ADCY8: variants seen among roughly 807,000 people sequenced by gnomAD.
ADCY8 encodes the protein adenylate cyclase 8, also known as adenylate cyclase type 8.
In ADCY8, 51 loss-of-function variants were observed where a neutral mutation model predicts 119.7. The ratio of observed to expected loss-of-function variants is 0.43; its 90% CI spans 0.34 to 0.54. The LOEUF (loss-of-function observed/expected upper bound fraction) is 0.54, where lower values mean the gene tolerates loss of function less well. Among genes scored for constraint, ADCY8 ranks in the 20% least tolerant of loss-of-function variants. The pLI, the probability that ADCY8 is intolerant of heterozygous loss-of-function variation, is 0.03. For missense variants in ADCY8, 1,383 were observed against 1,598.8 expected, an observed-to-expected ratio of 0.87 and a Z score of 2.30; for synonymous variants, 665 against 651.0, an observed-to-expected ratio of 1.02 and a Z score of -0.33.
chr8:131,014,709 T>C (rs1396683352), intron 1 of ADCY8, among the ~76,000 whole-genome samples: 1 of 152,190 alleles, frequency 6.6e-6, no homozygotes, highest in Admixed American at 6.5e-5. Context: ...GGGAATCTAC[T>C]TACCCCCTCT....
chr8:130,787,785 G>T (rs564347552), intron 15 of ADCY8, among the ~76,000 whole-genome samples: 1 of 151,434 alleles, frequency 6.6e-6, no homozygotes, highest in Admixed American at 6.5e-5. Flanking sequence ...GTGCCTGTGT[G>T]TGGGTGCACA....
intron 12 of ADCY8, among the ~76,000 whole-genome samples, chr8:130,824,403 G>C (rs550142657): frequency 1.3e-5 from 2 of 152,008 alleles, no homozygotes; most frequent in Admixed American, 1.3e-4. Flanking sequence ...ATTAGCTAGC[G>C]AACAGTGAAG....
intron 15 of ADCY8, among the ~76,000 whole-genome samples, chr8:130,797,869 G>A (rs1815635781): frequency 6.6e-6 from 1 of 152,222 alleles, no homozygotes; most frequent in South Asian, 2.1e-4. Flanking sequence ...TTGAGCTTAT[G>A]ACTTCAAAAT....
In ADCY8 at chr8:131,005,222, T is replaced by C. The variant is rs146547306; in HGVS notation, c.961-14680A>G. 9.3e-4 allele frequency among the ~76,000 whole-genome samples: 142 copies of C among 152,320 alleles called. No homozygotes were observed. In the Middle Eastern group the frequency reaches 0.014, roughly 15 times the overall value. ...GCAGTCAGTGCATGAGGATTCTTCC[T>C]GGGTGGCTATAAAGGCTAAACGAGG... On this transcript the variant is annotated intron_variant, in intron 1 of 17. Coordinates refer to ENST00000286355, the MANE Select transcript of ADCY8 (RefSeq NM_001115.3).
chr8:131,039,600 C>A lies in ADCY8; in HGVS notation c.734G>T (p.Ser245Ile). The change falls in exon 1 of 18, where the codon AGC becomes ATC. Residue 245 changes from serine (S) to isoleucine (I), a missense_variant. Transcript: ENST00000286355. ...DTTSHTYLQYSGVVTWVAMTT... is the reference protein window; with the variant it reads ...DTTSHTYLQYIGVVTWVAMTT... ...CATGGCCACCCAGGTGACCACGCCG[C>A]TGTACTGCAGGTACGTGTGGGAGGT... 6.2e-7 allele frequency: 1 copy of A among 1,614,072 alleles called. No individual in the cohort carries two copies. Among genetic ancestry groups the A allele is most frequent in the Non-Finnish European group, 8.5e-7 (1 of 1,180,020 alleles).
At chr8:130,808,010 A>C (rs1368415780) in intron 14 of ADCY8, among the ~76,000 whole-genome samples, 40 of 144,184 alleles carry the variant, frequency 2.8e-4, no homozygotes, top group African/African-American at 1.0e-3. Flanking sequence ...AAAAAAAAAA[A>C]AAAAAAAAAA....
intron 2 of ADCY8, among the ~76,000 whole-genome samples, chr8:130,980,417 A>G (rs1333892499): frequency 2.0e-5 from 3 of 152,232 alleles, no homozygotes; most frequent in Non-Finnish European, 4.4e-5. Context: ...TGGAGAATGA[A>G]TTGCAGGGAA....
intron 8 of ADCY8, among the ~76,000 whole-genome samples, chr8:130,880,552 G>C (rs1453110615): frequency 6.6e-6 from 1 of 152,178 alleles, no homozygotes; most frequent in Non-Finnish European, 1.5e-5. Context: ...CCTGACTAAA[G>C]AAGGGCAAAT....
rs772046627 is a variant in ADCY8, at chr8:131,039,898, C to A, written c.436G>T (p.Gly146Cys). ...AAAATGACCCCTCGGTAGCTATAGC[C>A]CCCATTAAGAAAGAAATCCGAGTTG... ...PSNSDFFLNG[G>C]YSYRGVIFPT... Residue 146 changes from glycine to cysteine, a missense_variant, in exon 1 of 18, where the codon GGC (glycine) becomes TGC (cysteine). By Grantham distance (159) the Gly-to-Cys change is radical (BLOSUM62 -3). Transcript: ENST00000286355. 1 of 1,613,446 alleles carries A rather than the reference C, an allele frequency of 6.2e-7. No individual in the cohort carries two copies. The highest frequency in any genetic ancestry group is 8.5e-7 in the Non-Finnish European group (1 of 1,179,716).
At chr8:130,933,932 G>A (rs1023199274) in intron 5 of ADCY8, among the ~76,000 whole-genome samples, 6 of 152,170 alleles carry the variant, frequency 3.9e-5, no homozygotes, top group Admixed American at 2.6e-4. Context: ...TTCAGAACTG[G>A]TGGAGACTTC....
chr8:130,992,379 TGG>T (rs1371319407), intron 1 of ADCY8, among the ~76,000 whole-genome samples: 1 of 105,246 alleles, frequency 9.5e-6, no homozygotes, highest in Non-Finnish European at 1.8e-5. Context: ...CAACTGTATC[TGG>T]CATATATATA....
chr8:130,906,293 C>T (rs901550603), intron 6 of ADCY8, among the ~76,000 whole-genome samples: 1 of 152,180 alleles, frequency 6.6e-6, no homozygotes, highest in African/African-American at 2.4e-5. Context: ...GGAAGCTTAC[C>T]TTTTCTCCTA....
intron 5 of ADCY8, among the ~76,000 whole-genome samples, chr8:130,930,995 G>A (rs1156337261): frequency 2.0e-5 from 3 of 151,902 alleles, no homozygotes; most frequent in Non-Finnish European, 4.4e-5. Context: ...TATAATATTA[G>A]AATATTCTGA....
At chr8:131,017,294 T>G (rs1414016891) in intron 1 of ADCY8, among the ~76,000 whole-genome samples, 1 of 152,164 alleles carries the variant, frequency 6.6e-6, no homozygotes, top group African/African-American at 2.4e-5. Context: ...GGTCTCGAAC[T>G]TTTGATCTCA....
At chr8:130,880,174 C>A (rs1818717053) in intron 8 of ADCY8, among the ~76,000 whole-genome samples, 1 of 152,056 alleles carries the variant, frequency 6.6e-6, no homozygotes, top group South Asian at 2.1e-4. Context: ...TGTAAATTGC[C>A]CCATCTTAGG....
At chr8:130,879,556 T>A (rs1051651118) in intron 8 of ADCY8, among the ~76,000 whole-genome samples, 3 of 152,214 alleles carry the variant, frequency 2.0e-5, no homozygotes, top group Non-Finnish European at 4.4e-5. Flanking sequence ...GACTATTAAG[T>A]ATTTTTAAAT....
At chr8:130,996,216 T>C (rs1047434718) in intron 1 of ADCY8, among the ~76,000 whole-genome samples, 1 of 152,144 alleles carries the variant, frequency 6.6e-6, no homozygotes, top group African/African-American at 2.4e-5. Flanking sequence ...ATGCTATTAT[T>C]AACTATGTTA....
intron 6 of ADCY8, among the ~76,000 whole-genome samples, chr8:130,907,937 T>C (rs1262653924): frequency 6.6e-6 from 1 of 152,182 alleles, no homozygotes; most frequent in East Asian, 1.9e-4. Context: ...TATTCTCGTC[T>C]TTATGTCCAT....
chr8:130,976,982 C>T (rs1277402871), intron 2 of ADCY8, among the ~76,000 whole-genome samples: 6 of 152,140 alleles, frequency 3.9e-5, no homozygotes, highest in East Asian at 1.9e-4. Flanking sequence ...GCCAACCTGT[C>T]CCATCGCGCA....
Sources: allele counts gnomAD v4.1 joint callset (sites outside exome capture counted in the v4.1 genomes callset), GRCh38; gene constraint gnomAD v4.1.1; transcripts MANE v1.5; gene names NCBI Gene and HGNC (gene_info 2026-07-23, HGNC 2026-07-21).